Variants in LGALS14 observed in about 807,000 individuals in gnomAD.
The protein encoded by LGALS14 is galectin 14.
Under a neutral mutation model 14.6 loss-of-function variants are expected in LGALS14, and 14 were observed. The observed-to-expected ratio is 0.96, with a 90% CI of 0.64 to 1.50. The LOEUF (loss-of-function observed/expected upper bound fraction) is 1.50, where lower values mean the gene tolerates loss of function less well. LGALS14 is among the 40% of genes most tolerant of loss of function. LGALS14 has a pLI of 0.00. For synonymous variants in LGALS14, 57 were observed against 63.9 expected, an observed-to-expected ratio of 0.89 and a Z score of 0.51; for missense variants, 180 against 172.0, an observed-to-expected ratio of 1.05 and a Z score of -0.26.
rs145178786 is a variant in LGALS14 at position 39,704,776 on chromosome 19, G to A, written c.15+233G>A. Among the ~76,000 whole-genome samples the A allele has an allele frequency of 9.2e-5, 14 of 152,280 alleles. No homozygotes were observed. The East Asian group carries it at 2.5e-3, about 27-fold the overall frequency. On this transcript the variant is annotated intron_variant, in intron 1 of 3. Transcript: ENST00000392052. Reference sequence around the variant, plus strand: ...GTGAGGGTGTGGTGGTGTCTGATGAGAGTGAACTCTGCTGAGATTAAGTGA... The same window carrying A: ...GTGAGGGTGTGGTGGTGTCTGATGAAAGTGAACTCTGCTGAGATTAAGTGA...
intron 2 of LGALS14, 64 bp from the exon 3 acceptor site, chr19:39,707,113 GT>G: frequency 8.2e-7 from 1 of 1,220,726 alleles, no homozygotes; most frequent in Non-Finnish European, 1.2e-6. Context: ...GGATTTGTGT[GT>G]GTGGCGAGTG....
intron 1 of LGALS14, among the ~76,000 whole-genome samples, chr19:39,704,894 G>A (rs1418194582): frequency 6.6e-6 from 1 of 152,188 alleles, no homozygotes; most frequent in East Asian, 1.9e-4. Context: ...TCTGTGATGT[G>A]AGTGTGTGTG....
At position 39,707,399 on chromosome 19, in the gene LGALS14, C is replaced by G. The variant is rs1357007956; in HGVS notation, c.303+11C>G. 3.1e-6 allele frequency: 5 copies of G among 1,606,966 alleles called. No individual in the cohort carries two copies. Among genetic ancestry groups the G allele is most frequent in the Non-Finnish European group, 4.3e-6 (5 of 1,174,968 alleles). ...CACAAGGAATACAAGGTGAGTACTT[C>G]AGGATCTTCCAGCGCTGGAGCTCTG... On this transcript the variant is annotated intron_variant, in intron 3 of 3. Coordinates refer to ENST00000392052, the MANE Select transcript of LGALS14 (RefSeq NM_020129.3).
At chr19:39,705,463 G>A (rs1260505791) in intron 1 of LGALS14, among the ~76,000 whole-genome samples, 1 of 152,104 alleles carries the variant, frequency 6.6e-6, no homozygotes, top group Non-Finnish European at 1.5e-5. Flanking sequence ...TCCACTGTAA[G>A]CTCTGTCTGA....
At chr19:39,706,332 G>A (rs1053397489) in intron 1 of LGALS14, among the ~76,000 whole-genome samples, 1 of 152,128 alleles carries the variant, frequency 6.6e-6, no homozygotes, top group Non-Finnish European at 1.5e-5. Context: ...GGCAGGGAGA[G>A]GTTAAGTAAT....
At position 39,705,774 on chromosome 19, in the gene LGALS14, G is replaced by T. The variant is rs1253802625; in HGVS notation, c.16-823G>T. ...GTGTGAGGATCACTGCAGTCCAGGA[G>T]TTCGATGTTTCAGTGAGCTGTGATT... On this transcript the variant is annotated intron_variant, in intron 1 of 3. Coordinates refer to ENST00000392052, the MANE Select transcript of LGALS14 (RefSeq NM_020129.3). 7.6e-6 allele frequency: 8 copies of T among 1,058,516 alleles called. No individual in the cohort carries two copies. In the East Asian group the frequency reaches 7.9e-5, roughly 10 times the overall value. 65.6% of individuals were successfully genotyped at this position (1,058,516 alleles called of 1,614,324 possible). A position where few individuals can be genotyped will look rare whatever the true frequency, so the allele number is the denominator to read the frequency against.
At chr19:39,707,150 C>T (rs764645894) in intron 2 of LGALS14, 28 bp from the exon 3 acceptor site, 46 of 1,565,706 alleles carry the variant, frequency 2.9e-5, no homozygotes, top group Non-Finnish European at 4.0e-5. Flanking sequence ...GGGGGACCTG[C>T]CCAACATGCT....
At position 39,705,878 on chromosome 19, in the gene LGALS14, C is replaced by T. The variant is rs780835158; in HGVS notation, c.16-719C>T. ...AGAAAAATCATCAACCACTTGCAGT[C>T]GTCGTAGAAATCAATCATTCCCTCC... is the stretch of plus-strand genomic sequence containing the variant. On this transcript the variant is annotated intron_variant, in intron 1 of 3. Transcript: ENST00000392052. 7.4e-6 allele frequency: 12 copies of T among 1,611,154 alleles called. No individual in the cohort carries two copies. The African/African-American group carries it at 1.1e-4, about 14-fold the overall frequency.
In LGALS14 at chr19:39,705,684, C is replaced by G. The variant is rs544010191; in HGVS notation, c.16-913C>G. 1.1e-4 allele frequency: 52 copies of G among 463,504 alleles called. 1 individual carries two copies. The Middle Eastern group carries it at 2.5e-3, about 22-fold the overall frequency. The allele number at this position is 463,504 out of a possible 1,614,324, so 28.7% of individuals were successfully genotyped here. A position where few individuals can be genotyped will look rare whatever the true frequency, so the allele number is the denominator to read the frequency against. On this transcript the variant is annotated intron_variant, in intron 1 of 3. Transcript: ENST00000392052. ...ATAGTGATATGCTTTCTTTAAAAATCTTTAAATATCTGACTGGCAGAGTGG... is the reference window on the plus strand; with the variant it reads ...ATAGTGATATGCTTTCTTTAAAAATGTTTAAATATCTGACTGGCAGAGTGG...
chr19:39,704,589 C>A (rs779428389), intron 1 of LGALS14, 46 bp downstream of exon 1: 1 of 1,599,854 alleles, frequency 6.3e-7, no homozygotes, highest in East Asian at 2.2e-5. Flanking sequence ...GTCACATAAA[C>A]CAAGAAAGAA....
chr19:39,706,564 T>C, intron 1 of LGALS14, 33 bp from the exon 2 acceptor site: 18 of 1,552,938 alleles, frequency 1.2e-5, no homozygotes, highest in Non-Finnish European at 1.6e-5. Context: ...CACCTTACCC[T>C]TTAGCTCTCA....
chr19:39,705,648 G>C (rs184531725), intron 1 of LGALS14: 1 of 359,368 alleles, frequency 2.8e-6, no homozygotes, highest in East Asian at 6.2e-5. Flanking sequence ...TTTGAGACCG[G>C]TCTAGGCATC....
chr19:39,709,181 A>G lies in LGALS14; in HGVS notation c.304-16A>G, dbSNP rs1973761160. Reference sequence around the variant, plus strand: ...TGGTGGCATGCTGTCTTTCTGATGCATTTTTCCTCTTGTAGGTAATGGTAA... The same window carrying G: ...TGGTGGCATGCTGTCTTTCTGATGCGTTTTTCCTCTTGTAGGTAATGGTAA... On this transcript the variant is annotated splice_polypyrimidine_tract_variant and intron_variant, in intron 3 of 3. Coordinates refer to ENST00000392052, the MANE Select transcript of LGALS14 (RefSeq NM_020129.3). 2.0e-6 allele frequency: 3 copies of G among 1,527,058 alleles called. No homozygotes were observed. Among genetic ancestry groups the G allele is most frequent in the Non-Finnish European group, 2.7e-6 (3 of 1,100,972 alleles). The allele number at this position is 1,527,058 out of a possible 1,614,324, so 94.6% of individuals were successfully genotyped here.
In LGALS14 at chr19:39,706,550, G is replaced by T. The variant is rs776550764; in HGVS notation, c.16-47G>T. On this transcript the variant is annotated intron_variant, in intron 1 of 3. Transcript: ENST00000392052. ...CATGGGAATCTGTTACATAGGGGAG[G>T]TTACACCTTACCCTTTAGCTCTCAC... 4.2e-6 allele frequency: 6 copies of T among 1,424,308 alleles called. No individual in the cohort carries two copies. The East Asian group carries it at 1.1e-4, about 27-fold the overall frequency. 88.2% of individuals were successfully genotyped at this position (1,424,308 alleles called of 1,614,324 possible).
At position 39,709,362 on chromosome 19, in the gene LGALS14, A is replaced by G. The variant is rs778587459; in HGVS notation, c.*49A>G. The G allele has an allele frequency of 3.8e-6, 4 of 1,063,058 alleles. No individual in the cohort carries two copies. The highest frequency in any genetic ancestry group is 5.9e-6 in the Non-Finnish European group (4 of 681,186). 65.9% of individuals were successfully genotyped at this position (1,063,058 alleles called of 1,614,324 possible). ...GTTGAGGAATCCCTCTTTCTACCTGACCATGGGATTCCCAGAGCCTACTAA... is the reference window on the plus strand; with the variant it reads ...GTTGAGGAATCCCTCTTTCTACCTGGCCATGGGATTCCCAGAGCCTACTAA... On this transcript the variant is annotated 3_prime_UTR_variant, in exon 4 of 4. Transcript: ENST00000392052.
At chr19:39,707,006 C>T (rs544587628) in intron 2 of LGALS14, among the ~76,000 whole-genome samples, 172 bp from the exon 3 acceptor site, 1 of 152,356 alleles carries the variant, frequency 6.6e-6, no homozygotes, top group South Asian at 2.1e-4. Flanking sequence ...AACACAGCAT[C>T]TCCCTGCCTG....
In LGALS14 at chr19:39,707,166, C is replaced by T. The variant is rs1157107704; in HGVS notation, c.93-12C>T. On this transcript the variant is annotated splice_polypyrimidine_tract_variant and intron_variant, in intron 2 of 3. Transcript: ENST00000392052. ...GGGGACCTGCCCAACATGCTGTGTG[C>T]TTTGACCTCAGCAAGGACCCACAGC... The T allele has an allele frequency of 6.2e-7, 1 of 1,604,662 alleles. No individual in the cohort carries two copies. The highest frequency in any genetic ancestry group is 8.5e-7 in the Non-Finnish European group (1 of 1,171,706).
At chr19:39,706,863 G>A (rs892066845) in intron 2 of LGALS14, among the ~76,000 whole-genome samples, 190 bp downstream of exon 2, 1 of 152,202 alleles carries the variant, frequency 6.6e-6, no homozygotes, top group Non-Finnish European at 1.5e-5. Flanking sequence ...GGCCAGCCAC[G>A]GAACCTAGGG....
chr19:39,707,855 G>A (rs1283755382), intron 3 of LGALS14, among the ~76,000 whole-genome samples: 2 of 151,808 alleles, frequency 1.3e-5, no homozygotes, highest in Admixed American at 6.6e-5. Context: ...TGTCATCCAG[G>A]TTGGAGTGCA....
Sources: gnomAD v4.1 joint callset for allele counts (sites outside exome capture counted in the v4.1 genomes callset) on GRCh38, gnomAD v4.1.1 for gene constraint, MANE v1.5 for transcripts, NCBI Gene and HGNC (gene_info 2026-07-23, HGNC 2026-07-21) for gene names.